LINGO2: variants seen among roughly 807,000 people sequenced by gnomAD.
LINGO2 encodes the protein leucine rich repeat and Ig domain containing 2.
In LINGO2, 14 loss-of-function variants were observed where a neutral mutation model predicts 30.6. That is an observed-to-expected ratio of 0.46 (90% CI 0.30 to 0.72). The LOEUF (loss-of-function observed/expected upper bound fraction) is 0.72. Ranked by LOEUF, LINGO2 falls within the 30% of genes least tolerant of loss-of-function variation. LINGO2 has a pLI of 0.07. For missense variants in LINGO2, 729 were observed against 751.7 expected (o/e 0.97, Z 0.35); for synonymous variants, 317 against 288.5 (o/e 1.10, Z -1.00).
chr9:28,618,782 G>C (rs945617611), intron 1 of LINGO2, among the ~76,000 whole-genome samples: 5 of 151,968 alleles, frequency 3.3e-5, no homozygotes, highest in African/African-American at 9.7e-5. Context: ...ATATAAACTT[G>C]TATTATTGCT....
the LINGO2 span, among the ~76,000 whole-genome samples, chr9:29,206,932 AC>A: frequency 6.6e-6 from 1 of 152,204 alleles, no homozygotes; most frequent in East Asian, 1.9e-4. Context: ...TAAAGAAAAA[AC>A]ATTTGCAATC....
intron 3 of LINGO2, among the ~76,000 whole-genome samples, chr9:28,297,829 AC>A (rs1341536371): frequency 2.0e-5 from 3 of 152,218 alleles, no homozygotes; most frequent in Admixed American, 1.3e-4. Context: ...CACAAGAGTC[AC>A]TGCCTTCCAA....
At chr9:28,367,363 C>T (rs751052078) in intron 3 of LINGO2, among the ~76,000 whole-genome samples, 2 of 152,146 alleles carry the variant, frequency 1.3e-5, no homozygotes, top group African/African-American at 2.4e-5. Flanking sequence ...TAAAACACTC[C>T]TCCTGGAGTC....
chr9:29,187,745 T>C, the LINGO2 span, among the ~76,000 whole-genome samples: 1 of 151,476 alleles, frequency 6.6e-6, no homozygotes, highest in Non-Finnish European at 1.5e-5. Flanking sequence ...TCTAGGTATG[T>C]AATGTCATCT....
chr9:28,608,953 T>C (rs1825801973), intron 1 of LINGO2, among the ~76,000 whole-genome samples: 1 of 152,012 alleles, frequency 6.6e-6, no homozygotes. Context: ...ACTTTGGTTT[T>C]TGGGTGGATT....
intron 5 of LINGO2, among the ~76,000 whole-genome samples, chr9:27,969,964 T>C (rs977232777): frequency 6.6e-6 from 1 of 152,182 alleles, no homozygotes; most frequent in East Asian, 1.9e-4. Flanking sequence ...ATTTTGTAAA[T>C]GAAACAAGCA....
chr9:28,747,593 G>A, the LINGO2 span, among the ~76,000 whole-genome samples: 3 of 152,034 alleles, frequency 2.0e-5, no homozygotes, highest in Admixed American at 1.3e-4. Flanking sequence ...CTCAAAGTGC[G>A]TGCCCTGGCT....
intron 4 of LINGO2, among the ~76,000 whole-genome samples, chr9:28,100,074 G>C (rs1451954076): frequency 6.6e-6 from 1 of 152,118 alleles, no homozygotes; most frequent in Non-Finnish European, 1.5e-5. Flanking sequence ...GGAAGTATTT[G>C]TTTCAAATCT....
the LINGO2 span, among the ~76,000 whole-genome samples, chr9:28,937,728 C>G: frequency 1.3e-5 from 2 of 152,264 alleles, no homozygotes; most frequent in Non-Finnish European, 2.9e-5. Flanking sequence ...TCTGTGGGTT[C>G]TGGGCCTGCG....
chr9:28,732,262 G>C, the LINGO2 span, among the ~76,000 whole-genome samples: 1 of 151,748 alleles, frequency 6.6e-6, no homozygotes, highest in Non-Finnish European at 1.5e-5. Flanking sequence ...GAATCTCCAA[G>C]CAAACCAAGC....
the LINGO2 span, among the ~76,000 whole-genome samples, chr9:28,681,492 A>G: frequency 6.6e-6 from 1 of 152,038 alleles, no homozygotes; most frequent in African/African-American, 2.4e-5. Flanking sequence ...TAGAATGCAA[A>G]CAGACAAGCA....
At chr9:28,125,434 T>C (rs1038254932) in intron 4 of LINGO2, among the ~76,000 whole-genome samples, 2 of 152,234 alleles carry the variant, frequency 1.3e-5, no homozygotes, top group African/African-American at 4.8e-5. Context: ...AAACTTCTTT[T>C]AGCACATTAA....
the LINGO2 span, among the ~76,000 whole-genome samples, chr9:28,942,811 G>C: frequency 6.6e-6 from 1 of 152,056 alleles, no homozygotes; most frequent in African/African-American, 2.4e-5. Flanking sequence ...GGGGCTACTT[G>C]CTATCTCCCT....
At chr9:28,162,597 A>C (rs1367179619) in intron 4 of LINGO2, among the ~76,000 whole-genome samples, 1 of 152,192 alleles carries the variant, frequency 6.6e-6, no homozygotes, top group African/African-American at 2.4e-5. Context: ...TACATTGATA[A>C]CTTTAATATA....
At chr9:29,082,489 C>A in the LINGO2 span, among the ~76,000 whole-genome samples, 7 of 152,198 alleles carry the variant, frequency 4.6e-5, no homozygotes, top group Admixed American at 2.0e-4. Flanking sequence ...AAGAAGAAAA[C>A]CTAGGCAATA....
chr9:28,752,059 A>G, the LINGO2 span, among the ~76,000 whole-genome samples: 1 of 152,040 alleles, frequency 6.6e-6, no homozygotes, highest in African/African-American at 2.4e-5. Context: ...ACGTTGGAGT[A>G]TTTAGTAAAG....
chr9:29,070,779 A>AT, the LINGO2 span, among the ~76,000 whole-genome samples: 1 of 151,370 alleles, frequency 6.6e-6, no homozygotes, highest in African/African-American at 2.4e-5. Flanking sequence ...TAATTTCCTT[A>AT]TTTTTTGTTC....
intron 4 of LINGO2, among the ~76,000 whole-genome samples, chr9:28,188,293 C>T (rs1819616083): frequency 6.6e-6 from 1 of 152,082 alleles, no homozygotes; most frequent in Non-Finnish European, 1.5e-5. Flanking sequence ...ATAATAATTG[C>T]TTCTGATAAC....
chr9:28,725,856 T>C, the LINGO2 span, among the ~76,000 whole-genome samples: 1 of 152,116 alleles, frequency 6.6e-6, no homozygotes, highest in Non-Finnish European at 1.5e-5. Flanking sequence ...CGTGTATGTG[T>C]GTGTGCATGT....
Sources: allele counts gnomAD v4.1 joint callset (sites outside exome capture counted in the v4.1 genomes callset), GRCh38; gene constraint gnomAD v4.1.1; transcripts MANE v1.5; gene names NCBI Gene and HGNC (gene_info 2026-07-23, HGNC 2026-07-21).